Variants in CSPP1 observed in about 807,000 individuals in gnomAD.
CSPP1 encodes the protein centrosome and spindle pole-associated protein 1.
Under a neutral mutation model 164.4 loss-of-function variants are expected in CSPP1, and 126 were observed. The ratio of observed to expected loss-of-function variants is 0.77; its 90% CI spans 0.66 to 0.89. CSPP1 has a LOEUF of 0.89. CSPP1 is among the 40% of genes least tolerant of loss of function. The probability of loss-of-function intolerance (pLI) is 0.00; values close to 1 mark genes in which losing one functional copy is unlikely to be tolerated. For missense variants in CSPP1, 1,395 were observed against 1,449.8 expected (o/e 0.96, Z 0.61); for synonymous variants, 472 against 476.7 (o/e 0.99, Z 0.13).
chr8:67,194,163 C>T (rs1837211802), intron 30 of CSPP1, among the ~76,000 whole-genome samples: 1 of 152,172 alleles, frequency 6.6e-6, no homozygotes, highest in Admixed American at 6.5e-5. Context: ...AGCTACCCTG[C>T]CAGCCCTACA....
At position 67,132,009 on chromosome 8, in the gene CSPP1, T is replaced by A; in HGVS notation, c.1756T>A (p.Leu586Met). 6.2e-7 allele frequency: 1 copy of A among 1,613,780 alleles called. No individual in the cohort carries two copies. Among genetic ancestry groups the A allele is most frequent in the Non-Finnish European group, 8.5e-7 (1 of 1,179,788 alleles). ...ITSDQVINSG[L>M]IFEDKPKPSK... is the part of the protein sequence containing the mutation. ...AAGTGATCAAGTGATAAATTCAGGA[T>A]TGATTTTTGAAGATAAACCGAAACC... is the stretch of plus-strand genomic sequence containing the variant. Residue 586 changes from leucine (L) to methionine (M), a missense_variant, in exon 16 of 31, where the codon TTG (leucine) becomes ATG (methionine). Physicochemically the swap from Leu to Met is conservative, Grantham distance 15 (BLOSUM62 2). Coordinates refer to ENST00000678616, the MANE Select transcript of CSPP1 (RefSeq NM_001382391.1).
At chr8:67,113,137 C>G (rs1289490856) in intron 10 of CSPP1, among the ~76,000 whole-genome samples, 3 of 152,016 alleles carry the variant, frequency 2.0e-5, no homozygotes, top group African/African-American at 7.2e-5. Context: ...CCCAGCTATT[C>G]GGGAGGCTGA....
chr8:67,130,394 AT>A (rs1820981102), intron 15 of CSPP1, among the ~76,000 whole-genome samples: 1 of 152,222 alleles, frequency 6.6e-6, no homozygotes, highest in Non-Finnish European at 1.5e-5. Context: ...CCTGTCCACC[AT>A]ATGATTTATA....
At chr8:67,166,728 T>G (rs574763912) in intron 24 of CSPP1, among the ~76,000 whole-genome samples, 9 of 136,930 alleles carry the variant, frequency 6.6e-5, no homozygotes, top group African/African-American at 2.3e-4. Flanking sequence ...AGTTTAACGG[T>G]TTTTTTTTTT....
At chr8:67,149,750 T>C (rs1033349252) in intron 17 of CSPP1, 33 bp from the exon 18 acceptor site, 9 of 1,438,170 alleles carry the variant, frequency 6.3e-6, no homozygotes, top group Non-Finnish European at 8.3e-6. Flanking sequence ...GAAATGTGTT[T>C]ATTGAAATAA....
intron 24 of CSPP1, among the ~76,000 whole-genome samples, chr8:67,165,498 A>G (rs1376505015): frequency 1.3e-5 from 2 of 152,146 alleles, no homozygotes; most frequent in East Asian, 3.8e-4. Flanking sequence ...GATGTACCAC[A>G]TTGCATTTAG....
chr8:67,179,767 A>G (rs142503987), intron 27 of CSPP1, 96 bp from the exon 28 acceptor site: 26 of 781,078 alleles, frequency 3.3e-5, no homozygotes, highest in Non-Finnish European at 5.1e-5. Context: ...GCTTTTAGGG[A>G]GAACAGTGTG....
intron 28 of CSPP1, among the ~76,000 whole-genome samples, chr8:67,180,867 A>T (rs913433198): frequency 1.3e-5 from 2 of 151,642 alleles, no homozygotes; most frequent in Non-Finnish European, 2.9e-5. Flanking sequence ...TTTTTTTTTT[A>T]AAGTAGTATA....
intron 13 of CSPP1, among the ~76,000 whole-genome samples, chr8:67,117,263 AAGGTTT>A (rs1818123970): frequency 6.6e-6 from 1 of 152,164 alleles, no homozygotes; most frequent in Non-Finnish European, 1.5e-5. Context: ...AGGATGGTAT[AAGGTTT>A]AGACACATTG....
At chr8:67,173,529 CTGTT>C (rs1257070360) in intron 25 of CSPP1, 1 of 152,078 alleles carries the variant, frequency 6.6e-6, no homozygotes, top group Non-Finnish European at 1.5e-5. Flanking sequence ...AAAATACTAT[CTGTT>C]TATTATAGCA....
chr8:67,195,846 G>A lies in CSPP1; in HGVS notation c.*253G>A. 2.3e-6 allele frequency: 1 copy of A among 434,590 alleles called. No individual in the cohort carries two copies. 26.9% of individuals were successfully genotyped at this position (434,590 alleles called of 1,614,324 possible). ...AATTAGGGTGGTAATGAACTGGATTGAACTACTATATGTGCATTATATTGA... is the reference window on the plus strand; with the variant it reads ...AATTAGGGTGGTAATGAACTGGATTAAACTACTATATGTGCATTATATTGA... On this transcript the variant is annotated 3_prime_UTR_variant, in exon 31 of 31. Coordinates refer to ENST00000678616, the MANE Select transcript of CSPP1 (RefSeq NM_001382391.1).
At position 67,095,383 on chromosome 8, in the gene CSPP1, C is replaced by G. The variant is rs1234730823; in HGVS notation, c.574C>G (p.Pro192Ala). The change falls in exon 7 of 31, where the codon CCT becomes GCT. Residue 192 changes from proline to alanine, a missense_variant. Pro to Ala is a conservative substitution (Grantham distance 27, BLOSUM62 -1). Transcript: ENST00000678616. ...IQTSCENSEG[P>A]RKDVLTPSEA... ...GACATCTTGTGAAAATTCAGAGGGT[C>G]CTAGAAAAGATGTCTTAACTCCTTC... 11 of 1,612,042 alleles carry G rather than the reference C, an allele frequency of 6.8e-6. No homozygotes were observed. The highest frequency in any genetic ancestry group is 1.7e-6 in the Non-Finnish European group (2 of 1,179,334).
intron 6 of CSPP1, among the ~76,000 whole-genome samples, chr8:67,094,069 A>C (rs1386948096): frequency 7.2e-6 from 1 of 139,544 alleles, no homozygotes; most frequent in Non-Finnish European, 1.5e-5. Context: ...GCAGTGAGCC[A>C]AGATTGCCTC....
chr8:67,092,461 G>T (rs188318910), intron 5 of CSPP1, among the ~76,000 whole-genome samples: 380 of 151,784 alleles, frequency 2.5e-3, no homozygotes, highest in Non-Finnish European at 3.6e-3. Flanking sequence ...TTTTTGAGAC[G>T]AAGTATCACC....
At chr8:67,074,831 A>T (rs754956714) in intron 2 of CSPP1, 5 of 294,680 alleles carry the variant, frequency 1.7e-5, no homozygotes, top group South Asian at 1.4e-4. Flanking sequence ...GCCAGGCAGG[A>T]CTGCAATGGT....
At chr8:67,109,696 G>A (rs1460003240) in intron 9 of CSPP1, among the ~76,000 whole-genome samples, 1 of 151,920 alleles carries the variant, frequency 6.6e-6, no homozygotes, top group Non-Finnish European at 1.5e-5. Flanking sequence ...CTCATTGTCC[G>A]AACTAGTACC....
intron 15 of CSPP1, among the ~76,000 whole-genome samples, chr8:67,119,273 C>G (rs537684979): frequency 1.6e-4 from 25 of 152,294 alleles, no homozygotes; most frequent in Admixed American, 1.5e-3. Context: ...TATCTAAAAT[C>G]TATCCATTTA....
intron 19 of CSPP1, among the ~76,000 whole-genome samples, chr8:67,155,105 C>A (rs1013504255): frequency 2.0e-5 from 3 of 152,194 alleles, no homozygotes; most frequent in African/African-American, 7.2e-5. Context: ...ATGAAGCAAA[C>A]AGACTTACTC....
At chr8:67,088,969 TCA>T (rs1378214664) in intron 4 of CSPP1, among the ~76,000 whole-genome samples, 1 of 151,608 alleles carries the variant, frequency 6.6e-6, no homozygotes, top group Non-Finnish European at 1.5e-5. Context: ...AGTCTTTTGT[TCA>T]CATTTGAGAA....
Sources: gnomAD v4.1 joint callset for allele counts (sites outside exome capture counted in the v4.1 genomes callset) on GRCh38, gnomAD v4.1.1 for gene constraint, MANE v1.5 for transcripts, NCBI Gene and HGNC (gene_info 2026-07-23, HGNC 2026-07-21) for gene names.